PSD3: variants seen among roughly 807,000 people sequenced by gnomAD.
PSD3 encodes PH and SEC7 domain-containing protein 3.
A neutral mutation model predicts 105.5 loss-of-function variants in PSD3; 49 were observed. The observed-to-expected ratio is 0.46, with a 90% CI of 0.37 to 0.59. PSD3 has a LOEUF of 0.59. Among genes scored for constraint, PSD3 ranks in the 20% least tolerant of loss-of-function variants. The pLI is 0.00. For synonymous variants in PSD3, 557 were observed against 457.8 expected, an observed-to-expected ratio of 1.22 and a Z score of -2.77; for missense variants, 1,561 against 1,263.8, an observed-to-expected ratio of 1.24 and a Z score of -3.57.
chr8:18,846,210 T>C (rs531812909), intron 4 of PSD3, among the ~76,000 whole-genome samples: 2 of 152,314 alleles, frequency 1.3e-5, no homozygotes, highest in South Asian at 2.1e-4. Flanking sequence ...AATGTTTTGA[T>C]TGTGATATCA....
chr8:18,576,244 C>T (rs1012669908), intron 12 of PSD3, among the ~76,000 whole-genome samples: 7 of 152,120 alleles, frequency 4.6e-5, no homozygotes, highest in Non-Finnish European at 8.8e-5. Context: ...TGTGACAATG[C>T]TGTGAGGCAA....
chr8:19,022,620 G>A (rs1277673288), intron 1 of PSD3, among the ~76,000 whole-genome samples: 2 of 152,182 alleles, frequency 1.3e-5, no homozygotes, highest in African/African-American at 2.4e-5. Flanking sequence ...TCTGGAGCAT[G>A]AGCGAGGCCA....
intron 9 of PSD3, among the ~76,000 whole-genome samples, chr8:18,735,948 AT>A (rs1274519185): frequency 3.9e-5 from 6 of 152,156 alleles, no homozygotes; most frequent in Admixed American, 3.9e-4. Context: ...AATAAAAACA[AT>A]TGATTTTTAT....
intron 10 of PSD3, among the ~76,000 whole-genome samples, chr8:18,655,147 C>A (rs1330346165): frequency 6.6e-6 from 1 of 151,548 alleles, no homozygotes; most frequent in Non-Finnish European, 1.5e-5. Flanking sequence ...CACTGTGAAA[C>A]CCCGTCTCTA....
intron 12 of PSD3, among the ~76,000 whole-genome samples, chr8:18,576,654 C>G (rs113095261): frequency 6.6e-6 from 1 of 152,034 alleles, no homozygotes; most frequent in African/African-American, 2.4e-5. Context: ...CTACAAAACC[C>G]CTCTGGCCTT....
At chr8:18,970,206 T>A (rs1251434725) in intron 1 of PSD3, among the ~76,000 whole-genome samples, 2 of 149,572 alleles carry the variant, frequency 1.3e-5, no homozygotes, top group African/African-American at 4.9e-5. Context: ...GCACCTGTAG[T>A]CCCAGCTACT....
chr8:18,732,293 G>C (rs1020073742), intron 9 of PSD3, among the ~76,000 whole-genome samples: 3 of 152,124 alleles, frequency 2.0e-5, no homozygotes, highest in African/African-American at 7.2e-5. Flanking sequence ...AGAACTATCT[G>C]GACACACCGT....
intron 4 of PSD3, among the ~76,000 whole-genome samples, chr8:18,835,880 T>TG (rs906335561): frequency 7.2e-5 from 11 of 151,726 alleles, no homozygotes; most frequent in Admixed American, 1.3e-4. Context: ...GCGGTGTAGA[T>TG]GGGGGGGCGG....
intron 15 of PSD3, among the ~76,000 whole-genome samples, chr8:18,540,861 C>G (rs765722235): frequency 6.6e-6 from 1 of 152,132 alleles, no homozygotes; most frequent in Non-Finnish European, 1.5e-5. Context: ...CATGGGCCAC[C>G]CCTTTCCCGT....
In PSD3 at chr8:18,633,159, G is replaced by C. The variant is rs77329498; in HGVS notation, c.2217-353C>G. ...CACCGTTTACAATGCTTTCATGTTT[G>C]TCTTCTTTCAAACAAGTGGGAGTTT... On this transcript the variant is annotated intron_variant, in intron 10 of 15. Coordinates refer to ENST00000327040, the MANE Select transcript of PSD3 (RefSeq NM_015310.4). Among the ~76,000 whole-genome samples the C allele has an allele frequency of 1.2e-4, 18 of 152,126 alleles. No homozygotes were observed. The East Asian group carries it at 2.3e-3, about 20-fold the overall frequency.
chr8:18,667,404 T>C (rs1191758018), intron 9 of PSD3, among the ~76,000 whole-genome samples: 1 of 152,196 alleles, frequency 6.6e-6, no homozygotes, highest in Non-Finnish European at 1.5e-5. Flanking sequence ...AACCTTGAGC[T>C]AGATACAGAG....
intron 8 of PSD3, among the ~76,000 whole-genome samples, chr8:18,795,797 T>C (rs1349801406): frequency 6.6e-6 from 1 of 152,204 alleles, no homozygotes; most frequent in Non-Finnish European, 1.5e-5. Flanking sequence ...AGTATAAACT[T>C]ATTCTGACAT....
intron 9 of PSD3, among the ~76,000 whole-genome samples, chr8:18,764,744 T>C (rs1806827004): frequency 6.6e-6 from 1 of 152,198 alleles, no homozygotes; most frequent in African/African-American, 2.4e-5. Context: ...TGTACTGTTT[T>C]TTAAAAGGCT....
At chr8:18,713,264 A>G (rs1430316499) in intron 9 of PSD3, among the ~76,000 whole-genome samples, 2 of 152,210 alleles carry the variant, frequency 1.3e-5, no homozygotes, top group Admixed American at 6.5e-5. Context: ...TATTCAACAC[A>G]GTATTAGACA....
intron 4 of PSD3, among the ~76,000 whole-genome samples, chr8:18,845,704 A>G (rs952351401): frequency 3.9e-5 from 6 of 152,178 alleles, no homozygotes; most frequent in Non-Finnish European, 7.3e-5. Flanking sequence ...TGAGAGGGCA[A>G]AGCAGGAGGA....
At chr8:18,775,773 T>C (rs1368291819) in intron 8 of PSD3, among the ~76,000 whole-genome samples, 4 of 152,218 alleles carry the variant, frequency 2.6e-5, no homozygotes, top group African/African-American at 9.6e-5. Flanking sequence ...TACCATTCTG[T>C]AGCTTGTATC....
At chr8:19,060,708 T>C (rs539850832) in intron 1 of PSD3, among the ~76,000 whole-genome samples, 4 of 152,340 alleles carry the variant, frequency 2.6e-5, no homozygotes, top group Admixed American at 6.5e-5. Context: ...CAAAGTCTAA[T>C]CAATAATTCT....
intron 2 of PSD3, among the ~76,000 whole-genome samples, chr8:18,928,494 AC>A (rs1412362587): frequency 6.6e-6 from 1 of 152,226 alleles, no homozygotes; most frequent in African/African-American, 2.4e-5. Context: ...TAAAATGTGT[AC>A]CATCCATATA....
intron 11 of PSD3, 106 bp from the exon 12 acceptor site, chr8:18,600,540 C>T: frequency 5.4e-6 from 5 of 929,948 alleles, no homozygotes; most frequent in South Asian, 1.6e-5. Context: ...ACCTAGCTAC[C>T]GAAAGTAATA....
Sources: gnomAD v4.1 joint callset for allele counts (sites outside exome capture counted in the v4.1 genomes callset) on GRCh38, gnomAD v4.1.1 for gene constraint, MANE v1.5 for transcripts, NCBI Gene and HGNC (gene_info 2026-07-23, HGNC 2026-07-21) for gene names.